HSD17B4: variants seen among roughly 807,000 people sequenced by gnomAD.
HSD17B4 encodes hydroxysteroid 17-beta dehydrogenase 4.
In HSD17B4, 70 loss-of-function variants were observed where a neutral mutation model predicts 101.0. That is an observed-to-expected ratio of 0.69 (90% CI 0.57 to 0.85). The LOEUF is 0.85. HSD17B4 is among the 40% of genes least tolerant of loss of function. The probability of loss-of-function intolerance (pLI) is 0.00; values close to 1 mark genes in which losing one functional copy is unlikely to be tolerated. For synonymous variants in HSD17B4, 347 were observed against 297.1 expected (o/e 1.17, Z -1.73); for missense variants, 984 against 892.4 (o/e 1.10, Z -1.31).
Position 119,499,539 on chromosome 5 carries a change from A to T in HSD17B4, c.1195A>T (p.Ile399Phe). 6.2e-7 allele frequency: 1 copy of T among 1,609,230 alleles called. No homozygotes were observed. Residue 399 changes from isoleucine (I) to phenylalanine (F), a missense_variant, in exon 13 of 24, where the codon ATC (isoleucine) becomes TTC (phenylalanine). Coordinates refer to ENST00000510025, the MANE Select transcript of HSD17B4 (RefSeq NM_000414.4). ...GGLAEIPGLSINFAKVLHGEQ... is the reference protein window; with the variant it reads ...GGLAEIPGLSFNFAKVLHGEQ... ...ATTAGCAGAAATTCCTGGACTTTCA[A>T]TCAACTTTGCAAAGGTATGCCTAAT... is the stretch of plus-strand genomic sequence containing the variant.
chr5:119,490,441 C>T (rs1202811166), intron 9 of HSD17B4, among the ~76,000 whole-genome samples: 8 of 151,840 alleles, frequency 5.3e-5, no homozygotes, highest in African/African-American at 1.9e-4. Flanking sequence ...GTGAAAATTT[C>T]GAATATATAA....
intron 15 of HSD17B4, among the ~76,000 whole-genome samples, chr5:119,508,125 C>G (rs1236580961): frequency 6.6e-6 from 1 of 151,526 alleles, no homozygotes; most frequent in African/African-American, 2.4e-5. Flanking sequence ...TTTCTCTTCT[C>G]TTTTTAGGTT....
chr5:119,536,175 C>T, intron 22 of HSD17B4: 1 of 439,196 alleles, frequency 2.3e-6, no homozygotes, highest in Non-Finnish European at 4.2e-6. Context: ...TGGTTGCAGA[C>T]CATGACCTGA....
intron 8 of HSD17B4, among the ~76,000 whole-genome samples, chr5:119,488,193 C>T (rs1561453277): frequency 6.6e-6 from 1 of 152,106 alleles, no homozygotes; most frequent in Admixed American, 6.6e-5. Context: ...ATTTAAATTA[C>T]TAGCTTACTG....
chr5:119,515,249 C>A (rs1057242675), intron 17 of HSD17B4, among the ~76,000 whole-genome samples: 12 of 151,604 alleles, frequency 7.9e-5, no homozygotes, highest in Non-Finnish European at 1.0e-4. Context: ...CCACTAGATA[C>A]CAAAATAAAA....
chr5:119,465,191 A>G (rs771081888), intron 2 of HSD17B4, among the ~76,000 whole-genome samples: 8 of 152,052 alleles, frequency 5.3e-5, no homozygotes, highest in Non-Finnish European at 1.0e-4. Context: ...CAATCCATGA[A>G]TGGGTTAATT....
chr5:119,518,657 C>G (rs1229753832), intron 17 of HSD17B4, among the ~76,000 whole-genome samples: 1 of 152,070 alleles, frequency 6.6e-6, no homozygotes, highest in Non-Finnish European at 1.5e-5. Context: ...ATGGGCAGAT[C>G]TTTAAGAGAT....
chr5:119,507,861 T>C (rs1157265355), intron 15 of HSD17B4, among the ~76,000 whole-genome samples: 1 of 151,992 alleles, frequency 6.6e-6, no homozygotes, highest in African/African-American at 2.4e-5. Flanking sequence ...AATTTGTAAG[T>C]TTTAAAGTTT....
chr5:119,539,295 A>G (rs1754782627), intron 23 of HSD17B4, among the ~76,000 whole-genome samples: 1 of 152,140 alleles, frequency 6.6e-6, no homozygotes, highest in South Asian at 2.1e-4. Flanking sequence ...AGGGACATGG[A>G]TGAAGCTGGA....
At chr5:119,460,949 TG>T (rs1187790825) in intron 2 of HSD17B4, among the ~76,000 whole-genome samples, 2 of 152,012 alleles carry the variant, frequency 1.3e-5, no homozygotes, top group Non-Finnish European at 2.9e-5. Context: ...GCAGCAGGCA[TG>T]GTATGTTTTA....
intron 17 of HSD17B4, among the ~76,000 whole-genome samples, chr5:119,515,760 G>GCAGT (rs1752554811): frequency 6.6e-6 from 1 of 152,124 alleles, no homozygotes; most frequent in Admixed American, 6.5e-5. Context: ...CTGGAGTAAC[G>GCAGT]CAGTGTGTGT....
chr5:119,491,818 A>C (rs1750133789), intron 9 of HSD17B4, among the ~76,000 whole-genome samples: 1 of 152,168 alleles, frequency 6.6e-6, no homozygotes. Flanking sequence ...CAGGGTAGTC[A>C]GTAGACAAAT....
chr5:119,452,657 C>G (rs375638815), intron 1 of HSD17B4, 24 bp downstream of exon 1: 114 of 1,613,352 alleles, frequency 7.1e-5, no homozygotes, highest in Non-Finnish European at 9.1e-5. Flanking sequence ...GGTTGGAGGC[C>G]GCGCCCCTTG....
At chr5:119,482,412 T>A (rs1749222749) in intron 8 of HSD17B4, among the ~76,000 whole-genome samples, 1 of 152,174 alleles carries the variant, frequency 6.6e-6, no homozygotes, top group Non-Finnish European at 1.5e-5. Context: ...TTATTTTAAA[T>A]TCCTTGTCTG....
intron 13 of HSD17B4, 61 bp downstream of exon 13, chr5:119,499,614 G>A (rs1460826128): frequency 1.1e-6 from 1 of 915,066 alleles, no homozygotes; most frequent in East Asian, 2.4e-5. Flanking sequence ...ATTCATTAAT[G>A]TCATATCTTA....
chr5:119,468,140 G>A (rs1223825371), intron 2 of HSD17B4, among the ~76,000 whole-genome samples: 2 of 151,846 alleles, frequency 1.3e-5, no homozygotes, highest in African/African-American at 4.8e-5. Flanking sequence ...CTTCAGTTTG[G>A]TGGTTTTTTT....
chr5:119,490,936 G>A (rs1750049204), intron 9 of HSD17B4, among the ~76,000 whole-genome samples: 1 of 152,160 alleles, frequency 6.6e-6, no homozygotes, highest in Non-Finnish European at 1.5e-5. Context: ...GTTTTGTTAT[G>A]TTGCTGTTTT....
chr5:119,525,730 C>G (rs1474044580), intron 18 of HSD17B4, 187 bp from the exon 19 acceptor site: 14 of 408,744 alleles, frequency 3.4e-5, no homozygotes, highest in Admixed American at 4.3e-5. Context: ...TTTTTTCTTT[C>G]TTTCTTTATT....
At chr5:119,481,531 C>T (rs1749130992) in intron 8 of HSD17B4, among the ~76,000 whole-genome samples, 1 of 152,150 alleles carries the variant, frequency 6.6e-6, no homozygotes. Context: ...TAAAGCAAGT[C>T]ATATAAATTT....
Sources: allele counts gnomAD v4.1 joint callset (sites outside exome capture counted in the v4.1 genomes callset), GRCh38; gene constraint gnomAD v4.1.1; transcripts MANE v1.5; gene names NCBI Gene and HGNC (gene_info 2026-07-23, HGNC 2026-07-21).